The following ITGA11 variants were observed in gnomAD, a reference collection of about 807,000 sequenced individuals.
The protein encoded by ITGA11 is integrin alpha-11.
A neutral mutation model predicts 141.9 loss-of-function variants in ITGA11; 97 were observed. The observed-to-expected ratio is 0.68, with a 90% CI of 0.58 to 0.81. The LOEUF (loss-of-function observed/expected upper bound fraction) is 0.81, where lower values mean the gene tolerates loss of function less well. ITGA11 is among the 30% of genes least tolerant of loss of function. The pLI, the probability that ITGA11 is intolerant of heterozygous loss-of-function variation, is 0.00. For missense variants in ITGA11, 1,387 were observed against 1,559.2 expected (o/e 0.89, Z 1.86); for synonymous variants, 658 against 624.6 (o/e 1.05, Z -0.80).
chr15:68,323,415 A>C (rs1473498744), intron 18 of ITGA11, among the ~76,000 whole-genome samples: 1 of 152,344 alleles, frequency 6.6e-6, no homozygotes, highest in South Asian at 2.1e-4. Context: ...ATTAAAATAA[A>C]TAATTTAATG....
At chr15:68,323,120 C>T (rs1288107414) in intron 18 of ITGA11, among the ~76,000 whole-genome samples, 3 of 152,216 alleles carry the variant, frequency 2.0e-5, no homozygotes, top group South Asian at 4.1e-4. Context: ...CAGATCCACA[C>T]GCTCTTGCTT....
chr15:68,403,048 AGAG>A lies in ITGA11; in HGVS notation c.53-22_53-20del. On this transcript the variant is annotated intron_variant, in intron 1 of 29. Transcript: ENST00000315757. ...GTGAACCCTGAGGCAGGGGGAGAGGAGAGGAGAAGCAGGGGAGTCAGACAGGCA... is the reference window on the plus strand; with the variant it reads ...GTGAACCCTGAGGCAGGGGGAGAGGAGAGAAGCAGGGGAGTCAGACAGGCA... The A allele has an allele frequency of 2.6e-6, 4 of 1,556,586 alleles. No homozygotes were observed. Among genetic ancestry groups the A allele is most frequent in the Non-Finnish European group, 3.5e-6 (4 of 1,130,648 alleles).
At chr15:68,354,389 T>C (rs1413751713) in intron 7 of ITGA11, among the ~76,000 whole-genome samples, 1 of 151,792 alleles carries the variant, frequency 6.6e-6, no homozygotes, top group African/African-American at 2.4e-5. Context: ...GCCAGGCTCA[T>C]TTTTTTTAAC....
At chr15:68,313,008 C>G (rs1893445846) in intron 23 of ITGA11, 145 bp from the exon 24 acceptor site, 10 of 617,994 alleles carry the variant, frequency 1.6e-5, no homozygotes, top group Non-Finnish European at 2.3e-5. Flanking sequence ...GAGTGAGTGT[C>G]ATGTTGGAAG....
intron 2 of ITGA11, among the ~76,000 whole-genome samples, chr15:68,369,638 G>A (rs1179858247): frequency 6.6e-6 from 1 of 152,212 alleles, no homozygotes; most frequent in East Asian, 1.9e-4. Flanking sequence ...GTCAAATGAC[G>A]AGAGAGTGGT....
chr15:68,324,153 G>A lies in ITGA11; in HGVS notation c.2322+978C>T, dbSNP rs1042106767. Among the ~76,000 whole-genome samples the A allele has an allele frequency of 3.9e-5, 6 of 151,996 alleles. No individual in the cohort carries two copies. Among genetic ancestry groups the A allele is most frequent in the African/African-American group, 1.5e-4 (6 of 41,360 alleles). On this transcript the variant is annotated intron_variant, in intron 18 of 29. Coordinates refer to ENST00000315757, the MANE Select transcript of ITGA11 (RefSeq NM_001004439.2). This position sits in a 1 kb window ranked among gnomAD's most constrained non-coding sequence, Gnocchi z 6.3. ...TTAGGAGAAAGAGGGGAGGTGTGAGGACGGAGGTTTGGCAGGGGACTGTGG... is the reference window on the plus strand; with the variant it reads ...TTAGGAGAAAGAGGGGAGGTGTGAGAACGGAGGTTTGGCAGGGGACTGTGG...
intron 3 of ITGA11, among the ~76,000 whole-genome samples, chr15:68,368,860 CT>C (rs34788905): frequency 0.025 from 3,343 of 134,798 alleles, 122 homozygotes; most frequent in African/African-American, 0.084. Flanking sequence ...ACAGGAAGTC[CT>C]TTTTTTTTTT....
At chr15:68,371,199 TGAGA>T (rs148916887) in intron 2 of ITGA11, among the ~76,000 whole-genome samples, 4 of 151,864 alleles carry the variant, frequency 2.6e-5, no homozygotes, top group African/African-American at 9.7e-5. Flanking sequence ...GCTCCATTCT[TGAGA>T]GAGAGAGAGA....
At chr15:68,360,455 C>G (rs1260581830) in intron 5 of ITGA11, among the ~76,000 whole-genome samples, 1 of 152,106 alleles carries the variant, frequency 6.6e-6, no homozygotes, top group African/African-American at 2.4e-5. Flanking sequence ...TGAACACTCC[C>G]TTGGGGAGCT....
chr15:68,391,403 C>T (rs1268919506), intron 2 of ITGA11, among the ~76,000 whole-genome samples: 1 of 152,218 alleles, frequency 6.6e-6, no homozygotes, highest in Non-Finnish European at 1.5e-5. Flanking sequence ...CTATGCCCAA[C>T]CTCCAAGATC....
intron 9 of ITGA11, 37 bp from the exon 10 acceptor site, chr15:68,348,937 C>A: frequency 1.3e-6 from 2 of 1,554,028 alleles, no homozygotes; most frequent in East Asian, 2.3e-5. Context: ...AGCTCCATGC[C>A]CAATCCCTTA....
At position 68,361,313 on chromosome 15, in the gene ITGA11, G is replaced by C. The variant is rs116596706; in HGVS notation, c.472+277C>G. Among the ~76,000 whole-genome samples the C allele has an allele frequency of 3.7e-3, 562 of 152,246 alleles. 4 individuals carry two copies. The highest frequency in any genetic ancestry group is 0.013 in the African/African-American group (543 of 41,546). ...TGCCAGGTAACCTCCTATATACCCAGGGTTTCTGCAGTGAGCCTCCCTTGA... is the reference window on the plus strand; with the variant it reads ...TGCCAGGTAACCTCCTATATACCCACGGTTTCTGCAGTGAGCCTCCCTTGA... On this transcript the variant is annotated intron_variant, in intron 5 of 29. Coordinates refer to ENST00000315757, the MANE Select transcript of ITGA11 (RefSeq NM_001004439.2).
rs1454553793 is a variant in ITGA11, at chr15:68,296,558, G to A, written c.*6501C>T. ...GGTTTGATTTGTATGCCTTTATTAT[G>A]AGTAACATTGAACACTTTCATATAT... On this transcript the variant is annotated 3_prime_UTR_variant, in exon 30 of 30. Transcript: ENST00000315757. 1 of 152,134 alleles carries A rather than the reference G, an allele frequency of 6.6e-6. No individual in the cohort carries two copies. The highest frequency in any genetic ancestry group is 2.4e-5 in the African/African-American group (1 of 41,428). 9.4% of individuals were successfully genotyped at this position (152,134 alleles called of 1,614,324 possible).
intron 1 of ITGA11, among the ~76,000 whole-genome samples, chr15:68,405,151 C>G (rs1896615155): frequency 8.1e-6 from 1 of 124,220 alleles, no homozygotes; most frequent in African/African-American, 3.2e-5. Flanking sequence ...ATTTTTCCCA[C>G]TGTCTCCCTT....
At chr15:68,423,237 A>G (rs1897060652) in intron 1 of ITGA11, among the ~76,000 whole-genome samples, 1 of 152,144 alleles carries the variant, frequency 6.6e-6, no homozygotes. Flanking sequence ...ATGTCCAGGC[A>G]ACTGGAATGC....
chr15:68,428,225 A>G (rs2140446112), intron 1 of ITGA11, among the ~76,000 whole-genome samples: 1 of 152,302 alleles, frequency 6.6e-6, no homozygotes, highest in East Asian at 1.9e-4. Context: ...AGCTTAGAAC[A>G]TATTTTTATC....
chr15:68,428,386 T>A (rs534320547), intron 1 of ITGA11, among the ~76,000 whole-genome samples: 46 of 152,100 alleles, frequency 3.0e-4, no homozygotes, highest in Non-Finnish European at 5.4e-4. Flanking sequence ...ACTGTCTGAG[T>A]TCTTCCAGGG....
chr15:68,376,445 G>A (rs1895731494), intron 2 of ITGA11, among the ~76,000 whole-genome samples: 1 of 152,190 alleles, frequency 6.6e-6, no homozygotes, highest in African/African-American at 2.4e-5. Context: ...TTCCCTATAG[G>A]ATTTAAGCCC....
At position 68,303,425 on chromosome 15, in the gene ITGA11, G is replaced by A. The variant is rs1381368011; in HGVS notation, c.3496-295C>T. On this transcript the variant is annotated intron_variant, in intron 29 of 29. Transcript: ENST00000315757. The surrounding 1 kb of genome is among the most constrained non-coding windows in gnomAD (Gnocchi z 5.3). ...TGTAACAGGAGGAGGCTGAGACCAG[G>A]GGTTTGTAACCAGAGCTTCAGAGAC... 1.3e-5 allele frequency among the ~76,000 whole-genome samples: 2 copies of A among 152,186 alleles called. No homozygotes were observed. Among genetic ancestry groups the A allele is most frequent in the Admixed American group, 6.5e-5 (1 of 15,286 alleles).
Sources: gnomAD v4.1 joint callset for allele counts (sites outside exome capture counted in the v4.1 genomes callset) on GRCh38, gnomAD v4.1.1 for gene constraint, Gnocchi (gnomAD v3.1) non-coding constraint, MANE v1.5 for transcripts, NCBI Gene and HGNC (gene_info 2026-07-23, HGNC 2026-07-21) for gene names.